Variants in NRG1 observed in about 807,000 individuals in gnomAD.
The protein encoded by NRG1 is pro-neuregulin-1, membrane-bound isoform.
Under a neutral mutation model 63.8 loss-of-function variants are expected in NRG1, and 18 were observed. The observed-to-expected ratio is 0.28, with a 90% CI of 0.19 to 0.42. The LOEUF (loss-of-function observed/expected upper bound fraction) is 0.42. Ranked by LOEUF, NRG1 falls within the 10% of genes least tolerant of loss-of-function variation. The pLI, the probability that NRG1 is intolerant of heterozygous loss-of-function variation, is 1.00. For missense variants in NRG1, 762 were observed against 814.7 expected (o/e 0.94, Z 0.79); for synonymous variants, 302 against 301.3 (o/e 1.00, Z -0.02).
Position 32,213,970 on chromosome 8 carries a change from G to T in NRG1, c.38-381858G>T, listed in dbSNP as rs187821969. Reference sequence around the variant, plus strand: ...CAAAGGAACGAACTTTGAGTTTCTAGGGTGGCAGACTGTGGGAAAGCAAAT... The same window carrying T: ...CAAAGGAACGAACTTTGAGTTTCTATGGTGGCAGACTGTGGGAAAGCAAAT... On this transcript the variant is annotated intron_variant, in intron 1 of 10. Transcript: ENST00000519301. Among the ~76,000 whole-genome samples the T allele has an allele frequency of 2.5e-3, 375 of 152,282 alleles. 3 individuals are homozygous for T. The highest frequency in any genetic ancestry group is 2.9e-3 in the Non-Finnish European group (195 of 68,018).
At chr8:32,613,193 A>G (rs1846679422) in intron 3 of NRG1, among the ~76,000 whole-genome samples, 2 of 151,968 alleles carry the variant, frequency 1.3e-5, no homozygotes, top group African/African-American at 4.8e-5. Context: ...ATGTATTGAA[A>G]CCAAGCTTAC....
chr8:31,648,899 G>A (rs1804566099), intron 1 of NRG1, among the ~76,000 whole-genome samples: 1 of 151,768 alleles, frequency 6.6e-6, no homozygotes, highest in Non-Finnish European at 1.5e-5. Flanking sequence ...TCAATTTTTT[G>A]GGTATATACA....
At chr8:32,245,849 C>T (rs576217565) in intron 1 of NRG1, among the ~76,000 whole-genome samples, 1 of 152,248 alleles carries the variant, frequency 6.6e-6, no homozygotes, top group Non-Finnish European at 1.5e-5. Flanking sequence ...ATATCAAGAA[C>T]TCACCAACAG....
At chr8:32,025,850 G>A (rs1356017558) in intron 1 of NRG1, among the ~76,000 whole-genome samples, 4 of 150,536 alleles carry the variant, frequency 2.7e-5, no homozygotes, top group African/African-American at 9.7e-5. Flanking sequence ...CGGGGCTGAG[G>A]CAGGAGAATG....
intron 1 of NRG1, among the ~76,000 whole-genome samples, chr8:32,023,110 T>C (rs2130261180): frequency 6.6e-6 from 1 of 152,364 alleles, no homozygotes; most frequent in East Asian, 1.9e-4. Flanking sequence ...TTTGGATATT[T>C]ACCTGCACCC....
chr8:32,187,349 C>T (rs1842065745), intron 1 of NRG1, among the ~76,000 whole-genome samples: 1 of 152,064 alleles, frequency 6.6e-6, no homozygotes, highest in South Asian at 2.1e-4. Flanking sequence ...TTAAATGTTA[C>T]CGGGGACCTG....
chr8:31,955,007 G>A (rs1804125394), intron 1 of NRG1, among the ~76,000 whole-genome samples: 1 of 152,126 alleles, frequency 6.6e-6, no homozygotes. Flanking sequence ...AGAGGGAGTG[G>A]AGGGGATGAG....
chr8:31,858,069 G>A (rs185590217), intron 1 of NRG1, among the ~76,000 whole-genome samples: 10 of 152,298 alleles, frequency 6.6e-5, no homozygotes, highest in Admixed American at 3.9e-4. Context: ...GGAGGCCGAG[G>A]CGGGCAGATC....
At chr8:31,780,751 C>CTGTACAGTGTACAGAAAT (rs1329563804) in intron 1 of NRG1, among the ~76,000 whole-genome samples, 1 of 152,168 alleles carries the variant, frequency 6.6e-6, no homozygotes, top group African/African-American at 2.4e-5. Context: ...AGTGTACAGT[C>CTGTACAGTGTACAGAAAT]ACCCTATAGA....
At chr8:32,356,346 ACAT>A (rs1419066211) in intron 1 of NRG1, among the ~76,000 whole-genome samples, 2 of 152,168 alleles carry the variant, frequency 1.3e-5, no homozygotes, top group Non-Finnish European at 2.9e-5. Context: ...AAATCATGAA[ACAT>A]CATCCTAAAC....
chr8:31,803,498 T>C (rs1236703215), intron 1 of NRG1, among the ~76,000 whole-genome samples: 1 of 152,204 alleles, frequency 6.6e-6, no homozygotes, highest in East Asian at 1.9e-4. Flanking sequence ...CCAAATCCAC[T>C]AGTGGACCAT....
chr8:31,642,883 G>A (rs1329884933), intron 1 of NRG1, among the ~76,000 whole-genome samples: 1 of 152,164 alleles, frequency 6.6e-6, no homozygotes, highest in Non-Finnish European at 1.5e-5. Context: ...TACAAACATA[G>A]TGTTTCTTGT....
intron 3 of NRG1, among the ~76,000 whole-genome samples, chr8:32,607,830 A>C (rs1264224658): frequency 6.6e-6 from 1 of 152,148 alleles, no homozygotes; most frequent in Non-Finnish European, 1.5e-5. Context: ...AATCCTTCTT[A>C]AACAACCAAC....
intron 1 of NRG1, among the ~76,000 whole-genome samples, chr8:32,280,691 G>GTTTTT (rs1174950316): frequency 3.5e-5 from 2 of 57,626 alleles, no homozygotes; most frequent in African/African-American, 5.5e-5. Flanking sequence ...TTTTTTTTTT[G>GTTTTT]TTTTTTTTTT....
chr8:32,298,768 C>T (rs990416157), intron 1 of NRG1, among the ~76,000 whole-genome samples: 49 of 149,576 alleles, frequency 3.3e-4, no homozygotes, highest in African/African-American at 1.2e-3. Flanking sequence ...GGGGCTCACG[C>T]CTGTAATCCC....
chr8:32,756,488 C>T, exon 9 of NRG1: 2 of 1,613,590 alleles, frequency 1.2e-6, no homozygotes, highest in East Asian at 4.5e-5. Context: ...CAATGGGCCT[C>T]ACCATCCTAA....
chr8:32,344,557 C>T, intron 1 of NRG1, among the ~76,000 whole-genome samples: 1 of 150,644 alleles, frequency 6.6e-6, no homozygotes, highest in Non-Finnish European at 1.5e-5. Flanking sequence ...TCACCTTAGC[C>T]TCCCAAGTAG....
intron 1 of NRG1, among the ~76,000 whole-genome samples, chr8:32,338,729 G>T (rs986539924): frequency 1.3e-5 from 2 of 152,102 alleles, no homozygotes; most frequent in Admixed American, 6.6e-5. Flanking sequence ...ATATATAGTT[G>T]CTATCAGTCT....
At chr8:32,396,987 G>A (rs939743846) in intron 1 of NRG1, among the ~76,000 whole-genome samples, 8 of 152,070 alleles carry the variant, frequency 5.3e-5, no homozygotes. Context: ...CAATTCCGAA[G>A]CCATTTCTAC....
Sources: allele counts gnomAD v4.1 joint callset (sites outside exome capture counted in the v4.1 genomes callset), GRCh38; gene constraint gnomAD v4.1.1; transcripts MANE v1.5; gene names NCBI Gene and HGNC (gene_info 2026-07-23, HGNC 2026-07-21).